Variants in TIMP2 observed in about 807,000 individuals in gnomAD.
The protein encoded by TIMP2 is TIMP metallopeptidase inhibitor 2, also known as metalloproteinase inhibitor 2.
In TIMP2, 5 loss-of-function variants were observed where a neutral mutation model predicts 24.3. The observed-to-expected ratio is 0.21, with a 90% CI of 0.11 to 0.43. TIMP2 has a LOEUF of 0.43. Ranked by LOEUF, TIMP2 falls within the 20% of genes least tolerant of loss-of-function variation. TIMP2 has a pLI of 1.00. For missense variants in TIMP2, 221 were observed against 297.5 expected, an observed-to-expected ratio of 0.74 and a Z score of 1.89; for synonymous variants, 130 against 123.2, an observed-to-expected ratio of 1.06 and a Z score of -0.37.
chr17:78,870,153 C>T (rs533035781), intron 3 of TIMP2, among the ~76,000 whole-genome samples: 26 of 152,276 alleles, frequency 1.7e-4, no homozygotes, highest in East Asian at 1.4e-3. Flanking sequence ...CGGTGGCTCG[C>T]GCCTGTAATC....
chr17:78,890,364 G>T (rs899814880), intron 1 of TIMP2, among the ~76,000 whole-genome samples: 1 of 152,120 alleles, frequency 6.6e-6, no homozygotes, highest in Non-Finnish European at 1.5e-5. Context: ...ATCACACCCA[G>T]CTAATTTTTA....
chr17:78,914,777 A>G (rs1419747147), intron 1 of TIMP2, among the ~76,000 whole-genome samples: 2 of 151,350 alleles, frequency 1.3e-5, no homozygotes, highest in African/African-American at 4.9e-5. Context: ...TGTAGAGATG[A>G]GGTCTTGCTA....
chr17:78,867,657 A>G (rs1484528125), intron 3 of TIMP2, among the ~76,000 whole-genome samples: 7 of 143,472 alleles, frequency 4.9e-5, no homozygotes, highest in Non-Finnish European at 7.5e-5. Context: ...GTGCAGTGGC[A>G]CGATCTCGGC....
In TIMP2 at chr17:78,925,276, A is replaced by AGGGGAGG. The variant is rs1255284843; in HGVS notation, c.-195_-189dup. 1 of 15,056 alleles carries AGGGGAGG rather than the reference A, an allele frequency of 6.6e-5. No individual in the cohort carries two copies. The highest frequency in any genetic ancestry group is 1.9e-3 in the East Asian group (1 of 536). The allele number at this position is 15,056 out of a possible 1,614,324, so 0.9% of individuals were successfully genotyped here. A position where few individuals can be genotyped will look rare whatever the true frequency, so the allele number is the denominator to read the frequency against. ...CTCTCCTCTTTGTCTCGGGGGCGCG[A>AGGGGAGG]GGGGAGGGGCGCGGGGCGCAATTCG... On this transcript the variant is annotated 5_prime_UTR_variant, in exon 1 of 5. Transcript: ENST00000262768.
At chr17:78,856,481 G>C (rs2069525641) in intron 4 of TIMP2, 1 of 155,418 alleles carries the variant, frequency 6.4e-6, no homozygotes, top group East Asian at 1.9e-4. Context: ...CAGCTCCCCA[G>C]GGAAGGCCAA....
intron 3 of TIMP2, among the ~76,000 whole-genome samples, chr17:78,865,187 C>T (rs763683323): frequency 3.3e-5 from 5 of 152,090 alleles, no homozygotes; most frequent in Non-Finnish European, 7.3e-5. Flanking sequence ...TGGGCAAATT[C>T]ATGGAGACGA....
chr17:78,923,115 C>T (rs1421770509), intron 1 of TIMP2, among the ~76,000 whole-genome samples: 2 of 152,086 alleles, frequency 1.3e-5, no homozygotes, highest in Non-Finnish European at 2.9e-5. Context: ...TCTGACTGGG[C>T]CTCTGAGCCG....
At chr17:78,873,545 G>A (rs961985535) in intron 2 of TIMP2, among the ~76,000 whole-genome samples, 2 of 152,082 alleles carry the variant, frequency 1.3e-5, no homozygotes, top group Non-Finnish European at 2.9e-5. Context: ...CGCCCACCTC[G>A]GCCTCCCGAA....
intron 1 of TIMP2, among the ~76,000 whole-genome samples, chr17:78,879,310 G>C (rs1344376626): frequency 2.6e-5 from 4 of 152,232 alleles, no homozygotes; most frequent in African/African-American, 9.6e-5. Flanking sequence ...CGCACTCTGA[G>C]CTCCAGGATG....
At chr17:78,916,675 C>G (rs2070261281) in intron 1 of TIMP2, among the ~76,000 whole-genome samples, 2 of 152,180 alleles carry the variant, frequency 1.3e-5, no homozygotes. Context: ...TCAGTGTCAT[C>G]CCCCTCCTGT....
chr17:78,887,753 GA>G (rs562106009), intron 1 of TIMP2, among the ~76,000 whole-genome samples: 2,307 of 136,968 alleles, frequency 0.017, 60 homozygotes, highest in African/African-American at 0.051. Flanking sequence ...AAAAAAATAG[GA>G]AAAAAAAAAA....
chr17:78,876,913 T>A (rs200096776), intron 1 of TIMP2, among the ~76,000 whole-genome samples: 3 of 151,864 alleles, frequency 2.0e-5, no homozygotes, highest in Admixed American at 6.6e-5. Flanking sequence ...CCAGCTAAAA[T>A]AGCCCTTTTC....
intron 1 of TIMP2, among the ~76,000 whole-genome samples, chr17:78,923,979 C>A (rs949906701): frequency 1.3e-5 from 2 of 152,194 alleles, no homozygotes; most frequent in Non-Finnish European, 2.9e-5. Flanking sequence ...GGGCAGGGGG[C>A]TCCGAGACCA....
intron 1 of TIMP2, among the ~76,000 whole-genome samples, chr17:78,886,208 C>T (rs1190836520): frequency 6.6e-6 from 1 of 152,214 alleles, no homozygotes; most frequent in Non-Finnish European, 1.5e-5. Flanking sequence ...TGCTGCCCGT[C>T]TCCACGCCTA....
intron 1 of TIMP2, among the ~76,000 whole-genome samples, chr17:78,910,218 A>G (rs1260540454): frequency 6.7e-6 from 1 of 149,254 alleles, no homozygotes; most frequent in African/African-American, 2.5e-5. Context: ...TGAGACACGG[A>G]GTCTCGCTCT....
intron 3 of TIMP2, among the ~76,000 whole-genome samples, chr17:78,866,201 TG>T (rs2069614136): frequency 1.3e-5 from 2 of 152,212 alleles, no homozygotes; most frequent in South Asian, 4.1e-4. Context: ...TCCCGTGCTC[TG>T]TTCTGTGCAC....
chr17:78,903,949 T>C (rs1466424021), intron 1 of TIMP2, among the ~76,000 whole-genome samples: 1 of 152,020 alleles, frequency 6.6e-6, no homozygotes, highest in Non-Finnish European at 1.5e-5. Context: ...TTTTAGACAG[T>C]CTTGCTCTGT....
chr17:78,906,872 C>T (rs139159125), intron 1 of TIMP2, among the ~76,000 whole-genome samples: 129 of 152,194 alleles, frequency 8.5e-4, no homozygotes, highest in African/African-American at 2.5e-3. Context: ...CGTGAGCCAC[C>T]GTGTCTGGCC....
intron 1 of TIMP2, among the ~76,000 whole-genome samples, chr17:78,919,540 G>A (rs62074405): frequency 0.031 from 4,683 of 152,124 alleles, 88 homozygotes; most frequent in Non-Finnish European, 0.037. Context: ...CTCCCCTCTT[G>A]AAAAAGACCA....
Sources: allele counts gnomAD v4.1 joint callset (sites outside exome capture counted in the v4.1 genomes callset), GRCh38; gene constraint gnomAD v4.1.1; transcripts MANE v1.5; gene names NCBI Gene and HGNC (gene_info 2026-07-23, HGNC 2026-07-21).